ACP7: variants seen among roughly 807,000 people sequenced by gnomAD.
The protein encoded by ACP7 is acid phosphatase 7, tartrate resistant (putative), also known as acid phosphatase type 7.
ACP7 carries 58 observed loss-of-function variants against 60.6 expected under a neutral mutation model. The observed-to-expected ratio is 0.96, with a 90% confidence interval of 0.77 to 1.19. The LOEUF is 1.19. Among genes scored for constraint, ACP7 ranks in the 50% most tolerant of loss-of-function variants. The pLI, the probability that ACP7 is intolerant of heterozygous loss-of-function variation, is 0.00. For synonymous variants in ACP7, 237 were observed against 232.6 expected (o/e 1.02, Z -0.17); for missense variants, 574 against 596.2 (o/e 0.96, Z 0.39).
intron 2 of ACP7, among the ~76,000 whole-genome samples, chr19:39,087,602 AG>A (rs946861487): frequency 1.3e-5 from 2 of 150,088 alleles, no homozygotes; most frequent in African/African-American, 4.9e-5. Flanking sequence ...CTGGGACCAC[AG>A]GGGCATGACA....
intron 2 of ACP7, among the ~76,000 whole-genome samples, chr19:39,088,475 G>C (rs1441767270): frequency 3.3e-5 from 5 of 152,204 alleles, no homozygotes; most frequent in African/African-American, 4.8e-5. Flanking sequence ...CCATCTCGTA[G>C]TGCTGCTGTG....
chr19:39,090,191 C>T (rs867764368), intron 2 of ACP7, among the ~76,000 whole-genome samples: 5 of 151,840 alleles, frequency 3.3e-5, no homozygotes, highest in African/African-American at 4.8e-5. Context: ...GTTTTTGAGA[C>T]GGAGTCTTGC....
At chr19:39,090,166 C>A (rs1285441928) in intron 2 of ACP7, among the ~76,000 whole-genome samples, 1 of 151,362 alleles carries the variant, frequency 6.6e-6, no homozygotes, top group Non-Finnish European at 1.5e-5. Context: ...AATTTTATAA[C>A]CTTTGTTTTG....
intron 2 of ACP7, among the ~76,000 whole-genome samples, chr19:39,089,769 A>G (rs960213636): frequency 5.9e-5 from 9 of 152,058 alleles, no homozygotes; most frequent in South Asian, 2.1e-4. Context: ...CTTTCTCACC[A>G]CTGGAATTAA....
In ACP7 at chr19:39,103,452, T is replaced by G. The variant is rs994958241; in HGVS notation, c.1113+1915T>G. ...CAGGATCATCATGTGTTTTTTTTTT[T>G]TTTTTTTTTTTTTTGCTCAGCCTTA... On this transcript the variant is annotated intron_variant, in intron 11 of 12. Transcript: ENST00000331256. 3.4e-5 allele frequency among the ~76,000 whole-genome samples: 5 copies of G among 147,592 alleles called. No homozygotes were observed. The South Asian group carries it at 6.6e-4, about 20-fold the overall frequency.
chr19:39,095,224 T>C (rs908968233), intron 2 of ACP7, among the ~76,000 whole-genome samples: 1 of 152,146 alleles, frequency 6.6e-6, no homozygotes, highest in Non-Finnish European at 1.5e-5. Context: ...CAAAGTCTCA[T>C]CTGAGGCAAG....
intron 11 of ACP7, among the ~76,000 whole-genome samples, chr19:39,103,441 G>GTGTTTTTTTTTTTTTTTTTTTT (rs1230916229): frequency 1.5e-5 from 1 of 64,690 alleles, no homozygotes; most frequent in Non-Finnish European, 2.7e-5. Flanking sequence ...ATCATCATGT[G>GTGTTTTTTTTTTTTTTTTTTTT]TTTTTTTTTT....
At chr19:39,089,159 C>A (rs1401419131) in intron 2 of ACP7, among the ~76,000 whole-genome samples, 1 of 152,052 alleles carries the variant, frequency 6.6e-6, no homozygotes, top group African/African-American at 2.4e-5. Flanking sequence ...GAACTCCTGA[C>A]CTCAAGTAAT....
Position 39,085,357 on chromosome 19 carries a change from G to A in ACP7, c.88G>A (p.Ala30Thr), listed in dbSNP as rs55799513. Residue 30 changes from alanine (A) to threonine (T), a missense_variant, in exon 2 of 13, where the codon GCT (alanine) becomes ACT (threonine). Coordinates refer to ENST00000331256, the MANE Select transcript of ACP7 (RefSeq NM_001004318.3). ...CCAGGGGTCCCTGGGGGCTCCCAGC[G>A]CTGCCCCAGAGCAAGTCCATCTGTC... ...GVQGSLGAPS[A>T]APEQVHLSYP... is the part of the protein sequence containing the mutation. The A allele has an allele frequency of 1.4e-3, 2,325 of 1,613,142 alleles. 4 individuals are homozygous for A. Among genetic ancestry groups the A allele is most frequent in the Non-Finnish European group, 1.9e-3 (2,239 of 1,179,542 alleles).
At chr19:39,098,745 A>G (rs1388069275) in intron 3 of ACP7, 87 bp downstream of exon 3, 1 of 1,429,512 alleles carries the variant, frequency 7.0e-7, no homozygotes, top group African/African-American at 1.4e-5. Flanking sequence ...CCGGTGGCTC[A>G]GGCTGGGCTG....
intron 2 of ACP7, among the ~76,000 whole-genome samples, chr19:39,096,734 A>G (rs563702322): frequency 3.9e-5 from 6 of 152,344 alleles, no homozygotes; most frequent in African/African-American, 1.4e-4. Context: ...AATTGGACTT[A>G]CAGTTCCATA....
intron 11 of ACP7, 35 bp from the exon 12 acceptor site, chr19:39,106,912 C>T (rs565734185): frequency 3.7e-6 from 6 of 1,609,876 alleles, no homozygotes; most frequent in East Asian, 2.2e-5. Context: ...GGGTCCTCCA[C>T]CTGCTCTGGG....
intron 2 of ACP7, among the ~76,000 whole-genome samples, chr19:39,087,712 C>T (rs1432457328): frequency 6.6e-6 from 1 of 151,026 alleles, no homozygotes; most frequent in Non-Finnish European, 1.5e-5. Context: ...TGGCTCACTG[C>T]AAGCTCCACC....
chr19:39,092,424 T>C (rs372426048), intron 2 of ACP7, among the ~76,000 whole-genome samples: 1 of 152,198 alleles, frequency 6.6e-6, no homozygotes, highest in East Asian at 1.9e-4. Flanking sequence ...CAGGTGTGCC[T>C]GTGGGAAGCA....
At chr19:39,097,714 C>A (rs2073283199) in intron 2 of ACP7, among the ~76,000 whole-genome samples, 1 of 151,880 alleles carries the variant, frequency 6.6e-6, no homozygotes, top group South Asian at 2.1e-4. Context: ...AAGCTGGCAA[C>A]CCTTAAATGA....
intron 12 of ACP7, among the ~76,000 whole-genome samples, chr19:39,109,277 G>A (rs2073443176): frequency 6.6e-6 from 1 of 152,116 alleles, no homozygotes; most frequent in East Asian, 1.9e-4. Flanking sequence ...ACCATTTATC[G>A]AGTGGCACAT....
In ACP7 at chr19:39,099,121, TATGACGCCGTTCTCC is replaced by T. The variant is rs1568480101; in HGVS notation, c.488_502del (p.Asp163_His167del). 6.4e-7 allele frequency: 1 copy of T among 1,562,154 alleles called. No homozygotes were observed. The highest frequency in any genetic ancestry group is 1.9e-5 in the Admixed American group (1 of 51,724). ...GCGCAGGGACACCCAGCAGGGCATG[TATGACGCCGTTCTCC>T]ATGTGGGTGAGGCATCCGCAGGGGC... On this transcript the variant is annotated inframe_deletion, in exon 4 of 13. Transcript: ENST00000331256.
chr19:39,100,315 G>T lies in ACP7; in HGVS notation c.594G>T (p.Pro198=). 2 of 1,613,830 alleles carry T rather than the reference G, an allele frequency of 1.2e-6. No individual in the cohort carries two copies. Among genetic ancestry groups the T allele is most frequent in the Middle Eastern group, 1.6e-4 (1 of 6,062 alleles). Residue 198 remains proline, a synonymous_variant, in exon 5 of 13, where the codon CCG becomes CCT. Coordinates refer to ENST00000331256, the MANE Select transcript of ACP7 (RefSeq NM_001004318.3). The part of the protein sequence containing the change: ...RLIEPVAASL[P]YMTCPGNHEE... ...TTGAACCCGTGGCTGCCAGCCTGCCGTACATGACATGCCCTGGGAATCATG... is the reference window on the plus strand; with the variant it reads ...TTGAACCCGTGGCTGCCAGCCTGCCTTACATGACATGCCCTGGGAATCATG...
At chr19:39,108,891 G>A (rs1241139457) in intron 12 of ACP7, among the ~76,000 whole-genome samples, 1 of 152,110 alleles carries the variant, frequency 6.6e-6, no homozygotes, top group East Asian at 1.9e-4. Context: ...TGCAATCTAA[G>A]CTCACTGCAA....
Sources: allele counts gnomAD v4.1 joint callset (sites outside exome capture counted in the v4.1 genomes callset), GRCh38; gene constraint gnomAD v4.1.1; transcripts MANE v1.5; gene names NCBI Gene and HGNC (gene_info 2026-07-23, HGNC 2026-07-21).